NXPH1: variants seen among roughly 807,000 people sequenced by gnomAD.
NXPH1 encodes neurexophilin-1.
Under a neutral mutation model 23.7 loss-of-function variants are expected in NXPH1, and 5 were observed. That is an observed-to-expected ratio of 0.21 (90% CI 0.11 to 0.44). The LOEUF (loss-of-function observed/expected upper bound fraction) is 0.44. NXPH1 is among the 20% of genes least tolerant of loss of function. The pLI, the probability that NXPH1 is intolerant of heterozygous loss-of-function variation, is 0.99. For missense variants in NXPH1, 324 were observed against 321.6 expected (o/e 1.01, Z -0.06); for synonymous variants, 144 against 122.2 (o/e 1.18, Z -1.18).
At chr7:8,441,326 T>G (rs1040015016) in intron 2 of NXPH1, among the ~76,000 whole-genome samples, 1 of 152,138 alleles carries the variant, frequency 6.6e-6, no homozygotes, top group Non-Finnish European at 1.5e-5. Context: ...TCTTGATTTA[T>G]CCACTAGTCA....
intron 2 of NXPH1, among the ~76,000 whole-genome samples, chr7:8,698,565 C>T (rs926109462): frequency 6.6e-6 from 1 of 152,030 alleles, no homozygotes; most frequent in East Asian, 1.9e-4. Context: ...ATAGTAGTAT[C>T]TACGCATTTA....
intron 2 of NXPH1, among the ~76,000 whole-genome samples, chr7:8,556,427 G>T (rs1489718352): frequency 6.6e-6 from 1 of 151,678 alleles, no homozygotes; most frequent in Non-Finnish European, 1.5e-5. Context: ...GGTTCCGGTT[G>T]TCTACTGGGA....
At chr7:8,573,711 C>A (rs1818695393) in intron 2 of NXPH1, among the ~76,000 whole-genome samples, 1 of 152,108 alleles carries the variant, frequency 6.6e-6, no homozygotes, top group African/African-American at 2.4e-5. Flanking sequence ...GACTTTAGAA[C>A]TTTCTTCCAG....
At chr7:8,515,334 G>A (rs533342318) in intron 2 of NXPH1, among the ~76,000 whole-genome samples, 1 of 152,062 alleles carries the variant, frequency 6.6e-6, no homozygotes. Context: ...TATTTATTGA[G>A]GGATAGATCA....
intron 2 of NXPH1, among the ~76,000 whole-genome samples, chr7:8,623,863 A>G (rs1819933239): frequency 6.6e-6 from 1 of 151,954 alleles, no homozygotes; most frequent in Non-Finnish European, 1.5e-5. Context: ...TCAGACCCAT[A>G]CTCATAGTCA....
At chr7:8,645,148 T>C (rs78378548) in intron 2 of NXPH1, among the ~76,000 whole-genome samples, 7,384 of 152,224 alleles carry the variant, frequency 0.049, 392 homozygotes, top group East Asian at 0.17. Context: ...TTACTTTTCT[T>C]CGAATGCACA....
chr7:8,551,892 G>T (rs978118453), intron 2 of NXPH1, among the ~76,000 whole-genome samples: 1 of 151,332 alleles, frequency 6.6e-6, no homozygotes, highest in Non-Finnish European at 1.5e-5. Flanking sequence ...CACCAAGTCA[G>T]CTTCCAATTT....
At chr7:8,576,737 A>T (rs1420260652) in intron 2 of NXPH1, among the ~76,000 whole-genome samples, 3 of 152,074 alleles carry the variant, frequency 2.0e-5, no homozygotes, top group Admixed American at 1.3e-4. Flanking sequence ...GAGAGATGTG[A>T]TAGGATAAGT....
intron 2 of NXPH1, among the ~76,000 whole-genome samples, chr7:8,740,052 A>T (rs986488853): frequency 4.6e-5 from 7 of 152,158 alleles, no homozygotes; most frequent in African/African-American, 1.7e-4. Context: ...TTCCCACTTC[A>T]GTTTGTTTGG....
chr7:8,471,292 A>G (rs1816867593), intron 2 of NXPH1, among the ~76,000 whole-genome samples: 1 of 152,202 alleles, frequency 6.6e-6, no homozygotes, highest in African/African-American at 2.4e-5. Context: ...AAGGGAATTT[A>G]TAAGTGGAAT....
chr7:8,658,389 T>C (rs1207112742), intron 2 of NXPH1, among the ~76,000 whole-genome samples: 1 of 152,216 alleles, frequency 6.6e-6, no homozygotes, highest in Non-Finnish European at 1.5e-5. Flanking sequence ...GTTTAGTACT[T>C]AAATTTTTTC....
At chr7:8,498,645 A>G (rs1445512467) in intron 2 of NXPH1, among the ~76,000 whole-genome samples, 1 of 151,994 alleles carries the variant, frequency 6.6e-6, no homozygotes, top group African/African-American at 2.4e-5. Flanking sequence ...TCTATTGGGA[A>G]ATTATAGCAT....
At chr7:8,681,426 A>G (rs1232477448) in intron 2 of NXPH1, among the ~76,000 whole-genome samples, 2 of 152,180 alleles carry the variant, frequency 1.3e-5, no homozygotes, top group Non-Finnish European at 2.9e-5. Context: ...TGTGTTTATT[A>G]TAATATATAT....
intron 2 of NXPH1, among the ~76,000 whole-genome samples, chr7:8,457,061 G>A (rs537876718): frequency 5.9e-5 from 9 of 152,240 alleles, no homozygotes; most frequent in African/African-American, 1.9e-4. Context: ...TGCTTGATAC[G>A]AGGGTTTTTA....
chr7:8,478,508 A>C (rs1817014638), intron 2 of NXPH1, among the ~76,000 whole-genome samples: 2 of 152,104 alleles, frequency 1.3e-5, no homozygotes, highest in African/African-American at 4.8e-5. Flanking sequence ...ATGAAGAAGT[A>C]AAGTTTTTGT....
intron 2 of NXPH1, among the ~76,000 whole-genome samples, chr7:8,436,312 CG>C (rs1816193552): frequency 6.6e-6 from 1 of 152,210 alleles, no homozygotes; most frequent in Non-Finnish European, 1.5e-5. Flanking sequence ...TGCAAGCAAT[CG>C]GAGTTAGGAC....
chr7:8,552,063 A>G (rs1818284139), intron 2 of NXPH1, among the ~76,000 whole-genome samples: 2 of 150,516 alleles, frequency 1.3e-5, no homozygotes. Context: ...CCCAAGTCTA[A>G]GAACAATAAT....
chr7:8,566,668 G>C (rs553193934), intron 2 of NXPH1, among the ~76,000 whole-genome samples: 15 of 151,816 alleles, frequency 9.9e-5, no homozygotes, highest in African/African-American at 3.4e-4. Flanking sequence ...TCATGAGTTC[G>C]AAGGCCTTTG....
At chr7:8,557,390 C>T (rs759751133) in intron 2 of NXPH1, among the ~76,000 whole-genome samples, 1 of 151,668 alleles carries the variant, frequency 6.6e-6, no homozygotes, top group African/African-American at 2.4e-5. Context: ...TTAAAACATT[C>T]AGAAGGAGGC....
Sources: allele counts gnomAD v4.1 joint callset (sites outside exome capture counted in the v4.1 genomes callset), GRCh38; gene constraint gnomAD v4.1.1; transcripts MANE v1.5; gene names NCBI Gene and HGNC (gene_info 2026-07-23, HGNC 2026-07-21).